KCNH5: variants seen among roughly 807,000 people sequenced by gnomAD.
The protein encoded by KCNH5 is voltage-gated delayed rectifier potassium channel KCNH5.
Under a neutral mutation model 96.1 loss-of-function variants are expected in KCNH5, and 46 were observed. The ratio of observed to expected loss-of-function variants is 0.48; its 90% CI spans 0.38 to 0.61. The LOEUF (loss-of-function observed/expected upper bound fraction) is 0.61. Ranked by LOEUF, KCNH5 falls within the 20% of genes least tolerant of loss-of-function variation. The probability of loss-of-function intolerance (pLI) is 0.00; values close to 1 mark genes in which losing one functional copy is unlikely to be tolerated. For synonymous variants in KCNH5, 439 were observed against 449.8 expected (o/e 0.98, Z 0.30); for missense variants, 907 against 1,225.8 (o/e 0.74, Z 3.88).
At chr14:62,777,760 C>A (rs1223647449) in intron 10 of KCNH5, among the ~76,000 whole-genome samples, 4 of 152,180 alleles carry the variant, frequency 2.6e-5, no homozygotes, top group African/African-American at 9.7e-5. Flanking sequence ...AAACCAACAA[C>A]AGTTTTCTGT....
intron 8 of KCNH5, among the ~76,000 whole-genome samples, chr14:62,843,105 A>G (rs1458922304): frequency 1.3e-5 from 2 of 152,250 alleles, no homozygotes; most frequent in East Asian, 1.9e-4. Context: ...ATCTCTCCCA[A>G]GTCTTCTCTC....
chr14:62,856,426 T>C (rs948843077), intron 7 of KCNH5, among the ~76,000 whole-genome samples: 1 of 152,242 alleles, frequency 6.6e-6, no homozygotes, highest in Admixed American at 6.5e-5. Flanking sequence ...ACTATTGATA[T>C]GATAATGCAT....
At chr14:62,726,046 G>A (rs974803577) in intron 10 of KCNH5, among the ~76,000 whole-genome samples, 1 of 152,022 alleles carries the variant, frequency 6.6e-6, no homozygotes, top group Admixed American at 6.6e-5. Context: ...CAGTACACAG[G>A]GGAAACAATG....
At chr14:62,780,479 A>G (rs1369437921) in intron 9 of KCNH5, among the ~76,000 whole-genome samples, 1 of 152,150 alleles carries the variant, frequency 6.6e-6, no homozygotes, top group Non-Finnish European at 1.5e-5. Flanking sequence ...AGGTTCTCGG[A>G]GTCCAGCCCA....
chr14:63,000,831 T>C (rs1285609982), intron 4 of KCNH5, among the ~76,000 whole-genome samples: 1 of 152,162 alleles, frequency 6.6e-6, no homozygotes, highest in East Asian at 1.9e-4. Flanking sequence ...CCCAGCACTT[T>C]GGGAGGCCAA....
At chr14:62,884,658 C>G (rs1026002591) in intron 7 of KCNH5, among the ~76,000 whole-genome samples, 3 of 152,020 alleles carry the variant, frequency 2.0e-5, no homozygotes, top group Non-Finnish European at 4.4e-5. Flanking sequence ...ACTAGTCTTT[C>G]CATGTATACA....
At position 62,980,884 on chromosome 14, in the gene KCNH5, T is replaced by A. The variant is rs201960719; in HGVS notation, c.930A>T (p.Glu310Asp). Residue 310 changes from glutamate (E) to aspartate (D), a missense_variant, in exon 6 of 11, where the codon GAA (glutamate) becomes GAT (aspartate). Around this residue, in one of 6 missense-constraint regions of KCNH5, gnomAD observed 370 missense variants for 561.3 expected, o/e 0.66. Coordinates refer to ENST00000322893, the MANE Select transcript of KCNH5 (RefSeq NM_139318.5). ...ACGAAAAACTTACCTCATCCACATT[T>A]TCAAAGGCATTGATGATGTCATAAG... is the stretch of plus-strand genomic sequence containing the variant. ...CLPYDIINAF[E>D]NVDEGISSLF... The A allele has an allele frequency of 3.7e-6, 6 of 1,613,420 alleles. No homozygotes were observed. Among genetic ancestry groups the A allele is most frequent in the Admixed American group, 3.3e-5 (2 of 59,854 alleles).
chr14:62,903,927 A>C (rs1000839973), intron 7 of KCNH5, among the ~76,000 whole-genome samples: 3 of 151,904 alleles, frequency 2.0e-5, no homozygotes, highest in African/African-American at 7.2e-5. Flanking sequence ...TTTTCAGAAA[A>C]TATTTTAGTG....
intron 1 of KCNH5, among the ~76,000 whole-genome samples, chr14:63,041,496 T>C (rs960427961): frequency 3.3e-5 from 5 of 152,136 alleles, no homozygotes; most frequent in African/African-American, 1.2e-4. Context: ...CTTATTTTGA[T>C]CGTACTAGCC....
intron 6 of KCNH5, among the ~76,000 whole-genome samples, chr14:62,951,939 G>A (rs1890013940): frequency 7.1e-6 from 1 of 140,556 alleles, no homozygotes; most frequent in African/African-American, 2.6e-5. Flanking sequence ...CCCCAGCCTG[G>A]GTAACAGAGC....
chr14:62,939,859 G>T (rs1459659209), intron 7 of KCNH5, among the ~76,000 whole-genome samples: 1 of 152,010 alleles, frequency 6.6e-6, no homozygotes, highest in African/African-American at 2.4e-5. Context: ...ACAATCATTT[G>T]AACCCAGGAG....
chr14:62,818,320 T>C (rs1887042482), intron 8 of KCNH5, among the ~76,000 whole-genome samples: 5 of 152,108 alleles, frequency 3.3e-5, no homozygotes, highest in Admixed American at 2.6e-4. Context: ...TATATCAAAT[T>C]CTCACATTGC....
At chr14:62,758,946 T>C (rs1201154812) in intron 10 of KCNH5, among the ~76,000 whole-genome samples, 1 of 152,198 alleles carries the variant, frequency 6.6e-6, no homozygotes, top group East Asian at 1.9e-4. Context: ...GACACAGATG[T>C]TTTTCTTTAT....
At chr14:62,902,773 G>A (rs1888953626) in intron 7 of KCNH5, among the ~76,000 whole-genome samples, 1 of 151,048 alleles carries the variant, frequency 6.6e-6, no homozygotes, top group Non-Finnish European at 1.5e-5. Flanking sequence ...GGGCTGGAGT[G>A]CAATGGCACG....
rs1469681291 is a variant in KCNH5 at position 62,705,931 on chromosome 14, T to G, written c.*1577A>C. 2 of 152,082 alleles carry G rather than the reference T, an allele frequency of 1.3e-5. No individual in the cohort carries two copies. The highest frequency in any genetic ancestry group is 2.9e-5 in the Non-Finnish European group (2 of 67,946). The allele number at this position is 152,082 out of a possible 1,614,324, so 9.4% of individuals were successfully genotyped here. On this transcript the variant is annotated 3_prime_UTR_variant, in exon 11 of 11. Transcript: ENST00000322893. ...AATTACTCACACATTTTTTTCAACT[T>G]CATGCAAACACTAACTCCCCTGCTC...
chr14:62,802,339 C>T lies in KCNH5; in HGVS notation c.1812G>A (p.Val604=), dbSNP rs764572114. 1.3e-5 allele frequency: 21 copies of T among 1,613,966 alleles called. No homozygotes were observed. In the East Asian group the frequency reaches 2.0e-4, roughly 15 times the overall value. The change falls in exon 9 of 11, where the codon GTG becomes GTA. Residue 604 remains valine, a synonymous_variant. Transcript: ENST00000322893. ...SLEVIQDDEV[V]AILGKGDVFG... ...GAAAGTTCACAGTACCTAAAATAGC[C>T]ACCACCTCATCATCCTGGATGACTT...
rs67304113 is a variant in KCNH5 at position 62,709,232 on chromosome 14, CAAAAAAAAA to C, written c.2020-786_2020-778del. 5.6e-3 allele frequency among the ~76,000 whole-genome samples: 400 copies of C among 71,590 alleles called. 4 individuals are homozygous for C. The highest frequency in any genetic ancestry group is 0.019 in the African/African-American group (381 of 19,736). The allele number at this position is 71,590 out of a possible 152,430, so 47.0% of individuals were successfully genotyped here. ...TGGGCGACAGAACGAGACTCCTTCT[CAAAAAAAAA>C]AAAAAAAAAAAAAAAAAATTATCCT... On this transcript the variant is annotated intron_variant, in intron 10 of 10. Transcript: ENST00000322893.
chr14:62,849,733 C>A lies in KCNH5; in HGVS notation c.1489G>T (p.Val497Phe). The change falls in exon 8 of 11, where the codon GTC becomes TTC. Residue 497 changes from valine to phenylalanine, a missense_variant. Coordinates refer to ENST00000322893, the MANE Select transcript of KCNH5 (RefSeq NM_139318.5). ...NVRDFLKLYQVPKGLSERVMD... is the reference protein window; with the variant it reads ...NVRDFLKLYQFPKGLSERVMD... ...ACTCGCTCACTAAGGCCTTTTGGGA[C>A]CTGATAGAGTTTTAGGAAGTCCCGT... The A allele has an allele frequency of 6.2e-7, 1 of 1,613,786 alleles. No homozygotes were observed. Among genetic ancestry groups the A allele is most frequent in the Admixed American group, 1.7e-5 (1 of 60,008 alleles).
At chr14:62,904,727 G>A (rs1888993274) in intron 7 of KCNH5, among the ~76,000 whole-genome samples, 1 of 152,164 alleles carries the variant, frequency 6.6e-6, no homozygotes, top group Non-Finnish European at 1.5e-5. Flanking sequence ...TGACTACAAG[G>A]CTGGACTTTG....
Sources: allele counts gnomAD v4.1 joint callset (sites outside exome capture counted in the v4.1 genomes callset), GRCh38; gene constraint gnomAD v4.1.1; regional missense constraint gnomAD v4.1.1; transcripts MANE v1.5; gene names NCBI Gene and HGNC (gene_info 2026-07-23, HGNC 2026-07-21).